The following LAMA4 variants were observed in gnomAD, a reference collection of about 807,000 sequenced individuals.
LAMA4 encodes laminin subunit alpha-4.
In LAMA4, 127 loss-of-function variants were observed where a neutral mutation model predicts 207.1. The observed-to-expected ratio is 0.61, with a 90% confidence interval of 0.53 to 0.71. LAMA4 has a LOEUF of 0.71. Ranked by LOEUF, LAMA4 falls within the 30% of genes least tolerant of loss-of-function variation. The pLI is 0.00. For missense variants in LAMA4, 2,093 were observed against 2,246.5 expected (o/e 0.93, Z 1.38); for synonymous variants, 761 against 816.0 (o/e 0.93, Z 1.15).
At position 112,120,456 on chromosome 6, in the gene LAMA4, G is replaced by A. The variant is rs782368185; in HGVS notation, c.4492C>T (p.Arg1498Cys). 9.3e-6 allele frequency: 15 copies of A among 1,612,778 alleles called. No individual in the cohort carries two copies. Among genetic ancestry groups the A allele is most frequent in the Non-Finnish European group, 1.3e-5 (15 of 1,179,032 alleles). The change falls in exon 33 of 39, where the codon CGT (arginine) becomes TGT (cysteine). Residue 1498 changes from arginine (R) to cysteine (C), a missense_variant. Arg to Cys is a radical substitution (Grantham distance 180, BLOSUM62 -3). This residue lies in a region of LAMA4 where 383 missense variants were observed against 437.8 expected (regional missense o/e 0.87). Transcript: ENST00000230538. ...DFGAKSQFSI[R>C]LRTRSSHGMI... ...CCATGGGAGGAACGAGTTCTCAGAC[G>A]AATGGAAAACTGAGATCTGGTAAAT...
chr6:112,127,582 C>T (rs186314752), intron 31 of LAMA4, among the ~76,000 whole-genome samples: 4 of 152,246 alleles, frequency 2.6e-5, no homozygotes, highest in African/African-American at 9.6e-5. Flanking sequence ...CATAGGGCCT[C>T]TTACAAATTG....
At chr6:112,173,663 T>C (rs527713828) in intron 11 of LAMA4, among the ~76,000 whole-genome samples, 2 of 152,364 alleles carry the variant, frequency 1.3e-5, no homozygotes, top group African/African-American at 4.8e-5. Flanking sequence ...GAGATTCTTC[T>C]TTGGTTCTTA....
At chr6:112,199,560 A>G (rs925185704) in intron 5 of LAMA4, among the ~76,000 whole-genome samples, 4 of 152,088 alleles carry the variant, frequency 2.6e-5, no homozygotes, top group African/African-American at 9.7e-5. Flanking sequence ...AATCAACCCA[A>G]TGTAATCGAT....
chr6:112,126,621 A>C (rs1315574969), intron 31 of LAMA4, among the ~76,000 whole-genome samples: 3 of 152,238 alleles, frequency 2.0e-5, no homozygotes, highest in Non-Finnish European at 4.4e-5. Flanking sequence ...AAATATATGG[A>C]AAATGTCAAG....
At chr6:112,125,066 T>A (rs1308970688) in intron 31 of LAMA4, among the ~76,000 whole-genome samples, 2 of 152,184 alleles carry the variant, frequency 1.3e-5, no homozygotes, top group Non-Finnish European at 2.9e-5. Flanking sequence ...TCTTAAACAA[T>A]CTAAGATAGG....
At chr6:112,241,204 A>T (rs1554187688) in intron 2 of LAMA4, among the ~76,000 whole-genome samples, 16 of 130,716 alleles carry the variant, frequency 1.2e-4, no homozygotes, top group Non-Finnish European at 1.7e-4. Flanking sequence ...TATATATGAT[A>T]TATATGAATG....
chr6:112,167,945 C>T (rs565533981), intron 12 of LAMA4, among the ~76,000 whole-genome samples: 2 of 151,866 alleles, frequency 1.3e-5, no homozygotes, highest in South Asian at 4.2e-4. Flanking sequence ...CGGTGGCTCA[C>T]GCCTGTAATC....
In LAMA4 at chr6:112,204,889, G is replaced by A. The variant is rs142492243; in HGVS notation, c.422+2132C>T. Reference sequence around the variant, plus strand: ...TTTAACAGTTTCTGAAGAAGGATGGGACTGAAACTCGTCTGACTACTCTGA... The same window carrying A: ...TTTAACAGTTTCTGAAGAAGGATGGAACTGAAACTCGTCTGACTACTCTGA... On this transcript the variant is annotated intron_variant, in intron 4 of 38. Transcript: ENST00000230538. Among the ~76,000 whole-genome samples the A allele has an allele frequency of 2.6e-3, 390 of 152,248 alleles. 2 individuals are homozygous for A. The highest frequency in any genetic ancestry group is 8.6e-3 in the African/African-American group (357 of 41,542).
At chr6:112,166,486 TG>T (rs1554339984) in intron 12 of LAMA4, 1 of 152,538 alleles carries the variant, frequency 6.6e-6, no homozygotes. Flanking sequence ...GAAAAAAGGT[TG>T]GTATTATTTA....
intron 2 of LAMA4, chr6:112,218,234 G>A (rs564685247): frequency 6.6e-6 from 1 of 152,216 alleles, no homozygotes; most frequent in South Asian, 2.1e-4. Flanking sequence ...GGTGGTTTCT[G>A]AGCTCTCTAA....
rs1196672916 is a variant in LAMA4 at position 112,108,725 on chromosome 6, C to T, written c.*712G>A. 2 of 152,138 alleles carry T rather than the reference C, an allele frequency of 1.3e-5. No homozygotes were observed. The highest frequency in any genetic ancestry group is 2.9e-5 in the Non-Finnish European group (2 of 68,058). The allele number at this position is 152,138 out of a possible 1,614,324, so 9.4% of individuals were successfully genotyped here. A position where few individuals can be genotyped will look rare whatever the true frequency, so the allele number is the denominator to read the frequency against. On this transcript the variant is annotated 3_prime_UTR_variant, in exon 39 of 39. Coordinates refer to ENST00000230538, the MANE Select transcript of LAMA4 (RefSeq NM_001105206.3). ...TATCCTCAATGATTCCCATAGAACA[C>T]ACAATAATGGTAATAATAACCTACA...
chr6:112,189,123 G>T lies in LAMA4; in HGVS notation c.801C>A (p.Asp267Glu), dbSNP rs1782863920. The T allele has an allele frequency of 6.2e-7, 1 of 1,612,336 alleles. No individual in the cohort carries two copies. Among genetic ancestry groups the T allele is most frequent in the African/African-American group, 1.3e-5 (1 of 75,014 alleles). ...TGTTATTTTTACTTATGGTTGGGCA[G>T]TCCATGCCTGTAGGGGGTTCAAAAC... ...EEGFEPPTGM[D>E]CPTISCDKCV... Residue 267 changes from aspartate to glutamate, a missense_variant, in exon 7 of 39, where the codon GAC becomes GAA. By Grantham distance (45) the Asp-to-Glu change is conservative (BLOSUM62 2). Coordinates refer to ENST00000230538, the MANE Select transcript of LAMA4 (RefSeq NM_001105206.3).
At chr6:112,121,904 G>A in intron 32 of LAMA4, 110 bp downstream of exon 32, 1 of 900,564 alleles carries the variant, frequency 1.1e-6, no homozygotes, top group Non-Finnish European at 1.9e-6. Flanking sequence ...AACATAATAG[G>A]ATTAAGGTGG....
intron 2 of LAMA4, among the ~76,000 whole-genome samples, chr6:112,241,217 TATATATG>T (rs1786483817): frequency 8.0e-6 from 1 of 124,658 alleles, no homozygotes; most frequent in South Asian, 2.6e-4. Flanking sequence ...TATGAATGTA[TATATATG>T]ATATATATAT....
intron 2 of LAMA4, chr6:112,234,885 G>C (rs1785796959): frequency 1.3e-5 from 2 of 152,184 alleles, no homozygotes; most frequent in Non-Finnish European, 2.9e-5. Context: ...TAGAAGTTTG[G>C]AGAACCTTAC....
At chr6:112,186,289 C>T (rs531666399) in intron 8 of LAMA4, among the ~76,000 whole-genome samples, 88 of 152,316 alleles carry the variant, frequency 5.8e-4, no homozygotes, top group Non-Finnish European at 1.0e-3. Flanking sequence ...AACTTACCTA[C>T]GGTCACACAG....
chr6:112,134,182 T>C (rs1236351143), intron 26 of LAMA4, among the ~76,000 whole-genome samples: 1 of 152,212 alleles, frequency 6.6e-6, no homozygotes, highest in Non-Finnish European at 1.5e-5. Flanking sequence ...ACAATACACA[T>C]GTTCCACCGT....
intron 13 of LAMA4, among the ~76,000 whole-genome samples, chr6:112,160,826 A>G (rs1186616140): frequency 6.6e-6 from 1 of 152,182 alleles, no homozygotes; most frequent in Non-Finnish European, 1.5e-5. Flanking sequence ...ATTCTAATCC[A>G]TTCTCCACTG....
At chr6:112,202,632 A>C (rs1186807491) in intron 4 of LAMA4, among the ~76,000 whole-genome samples, 1 of 152,190 alleles carries the variant, frequency 6.6e-6, no homozygotes, top group Non-Finnish European at 1.5e-5. Flanking sequence ...CACTTAAAAA[A>C]TCAGTCAGAA....
Sources: gnomAD v4.1 joint callset for allele counts (sites outside exome capture counted in the v4.1 genomes callset) on GRCh38, gnomAD v4.1.1 for gene constraint, gnomAD v4.1.1 regional missense constraint, MANE v1.5 for transcripts, NCBI Gene and HGNC (gene_info 2026-07-23, HGNC 2026-07-21) for gene names.